MED12: variants seen among roughly 807,000 people sequenced by gnomAD.
MED12 encodes the protein mediator complex subunit 12.
Under a neutral mutation model 177.7 loss-of-function variants are expected in MED12, and 10 were observed. The ratio of observed to expected loss-of-function variants is 0.06; its 90% CI spans 0.03 to 0.10. The LOEUF (loss-of-function observed/expected upper bound fraction) is 0.10, where lower values mean the gene tolerates loss of function less well. Among genes scored for constraint, MED12 ranks in the 10% least tolerant of loss-of-function variants. The pLI, the probability that MED12 is intolerant of heterozygous loss-of-function variation, is 1.00. For synonymous variants in MED12, 641 were observed against 678.4 expected, an observed-to-expected ratio of 0.94 and a Z score of 0.86; for missense variants, 867 against 1,780.8, an observed-to-expected ratio of 0.49 and a Z score of 9.23.
At chrX:71,140,213 G>A (rs1328274524) in intron 41 of MED12, among the ~76,000 whole-genome samples, 1 of 105,476 alleles carries the variant, frequency 9.5e-6, no homozygotes, top group African/African-American at 3.5e-5. Flanking sequence ...CTGAGTAGCT[G>A]GGATTACAGG....
chrX:71,126,543 G>C, intron 19 of MED12, 59 bp downstream of exon 19: 1 of 1,180,628 alleles, frequency 8.5e-7, no homozygotes, highest in Non-Finnish European at 1.2e-6. Context: ...AGCGGCTACG[G>C]AGGGTCATAA....
chrX:71,132,434 C>T lies in MED12; in HGVS notation c.4311C>T (p.Thr1437=). 1 of 1,211,235 alleles carries T rather than the reference C, an allele frequency of 8.3e-7. No homozygotes were observed. Among genetic ancestry groups the T allele is most frequent in the Non-Finnish European group, 1.1e-6 (1 of 895,311 alleles). The change falls in exon 31 of 45, where the codon ACC becomes ACT. Residue 1437 remains threonine (T), a synonymous_variant. Coordinates refer to ENST00000374080, the MANE Select transcript of MED12 (RefSeq NM_005120.3). ...LVAPLIAKLP[T]SVQGHVLKAA... is the part of the protein sequence containing the mutation. ...CCCCCCTCATTGCTAAACTGCCCAC[C>T]TCAGTCCAGGGACATGTGTTAAAGG... is the stretch of plus-strand genomic sequence containing the variant.
rs765741173 is a variant in MED12 at position 71,127,392 on chromosome X, G to A, written c.2906G>A (p.Arg969His). The stretch of plus-strand genomic sequence containing the variant: ...CGGTCCGATGGCTCCTCTGCAGAGC[G>A]CTGTATCCTTGCTTATCTCTATGAT... The part of the protein sequence containing the change: ...MNRSDGSSAE[R>H]CILAYLYDLY... Residue 969 changes from arginine to histidine, a missense_variant, in exon 21 of 45, where the codon CGC becomes CAC. Arg to His is a conservative substitution (Grantham distance 29). This residue lies in a region of MED12 where 70 missense variants were observed against 143.6 expected (regional missense o/e 0.49). Transcript: ENST00000374080. 2.5e-6 allele frequency: 3 copies of A among 1,208,068 alleles called. No individual in the cohort carries two copies. Among genetic ancestry groups the A allele is most frequent in the Admixed American group, 2.2e-5 (1 of 46,046 alleles).
intron 24 of MED12, 32 bp downstream of exon 24, chrX:71,128,750 C>A (rs1382171372): frequency 1.7e-6 from 2 of 1,200,147 alleles, no homozygotes; most frequent in South Asian, 3.5e-5. Flanking sequence ...CCTAGCATTT[C>A]TAGACCTCAA....
chrX:71,140,603 T>C (rs1720866405), intron 41 of MED12, 32 bp from the exon 42 acceptor site: 1 of 1,211,270 alleles, frequency 8.3e-7, no homozygotes, highest in East Asian at 3.0e-5. Flanking sequence ...ACCTCCCTCA[T>C]GCCTTGACCT....
intron 20 of MED12, 65 bp downstream of exon 20, chrX:71,127,197 A>G (rs1405753330): frequency 6.1e-6 from 7 of 1,156,796 alleles, no homozygotes; most frequent in Non-Finnish European, 8.1e-6. Context: ...TGGCCTGGGA[A>G]GAGCATGCAC....
intron 28 of MED12, 99 bp downstream of exon 28, chrX:71,130,313 A>G (rs1356068643): frequency 2.2e-6 from 2 of 890,709 alleles, no homozygotes; most frequent in Middle Eastern, 4.1e-4. Flanking sequence ...TTAAGTAGAG[A>G]GGAAGACAAA....
Position 71,121,363 on chromosome X carries a change from G to A in MED12, c.772G>A (p.Val258Met). Residue 258 changes from valine to methionine, a missense_variant, in exon 6 of 45, where the codon GTG (valine) becomes ATG (methionine). By Grantham distance (21) the Val-to-Met change is conservative (BLOSUM62 1). Coordinates refer to ENST00000374080, the MANE Select transcript of MED12 (RefSeq NM_005120.3). ...MLDRHEFLTW[V>M]LECFEKIRPG... ...GGACAGACATGAGTTCCTGACCTGG[G>A]TGCTTGAGTGTTTTGAGAAGATCCG... 8.3e-7 allele frequency: 1 copy of A among 1,211,881 alleles called. No individual in the cohort carries two copies. Among genetic ancestry groups the A allele is most frequent in the Non-Finnish European group, 1.1e-6 (1 of 895,535 alleles).
In MED12 at chrX:71,137,936, A is replaced by G. The variant is rs777453338; in HGVS notation, c.6037A>G (p.Thr2013Ala). 1 of 1,209,678 alleles carries G rather than the reference A, an allele frequency of 8.3e-7. No individual in the cohort carries two copies. Among genetic ancestry groups the G allele is most frequent in the Non-Finnish European group, 1.1e-6 (1 of 893,736 alleles). ...APTYGHGLTS[T>A]QRFSHQTLQQ... Reference sequence around the variant, plus strand: ...CACCTATGGACATGGACTGACCTCCACTCAAAGGTACCCAAAGTAGTGGTG... The same window carrying G: ...CACCTATGGACATGGACTGACCTCCGCTCAAAGGTACCCAAAGTAGTGGTG... Residue 2013 changes from threonine (T) to alanine (A), a missense_variant, in exon 41 of 45, where the codon ACT (threonine) becomes GCT (alanine). Thr to Ala is a moderately conservative substitution (Grantham distance 58, BLOSUM62 0). Transcript: ENST00000374080.
Position 71,119,444 on chromosome X carries a change from C to T in MED12, c.171C>T (p.Gly57=), listed in dbSNP as rs1325215627. Residue 57 remains glycine (G), a synonymous_variant, in exon 2 of 45, where the codon GGC becomes GGT. Coordinates refer to ENST00000374080, the MANE Select transcript of MED12 (RefSeq NM_005120.3). ...NQPAVSGDEH[G]SAKNVSFNPA... ...CTGCTGTCTCTGGGGATGAGCATGG[C>T]AGTGCCAAGAACGTCAGCTTCAATC... 4 of 1,197,748 alleles carry T rather than the reference C, an allele frequency of 3.3e-6. No homozygotes were observed. The African/African-American group carries it at 7.0e-5, about 21-fold the overall frequency.
At position 71,119,535 on chromosome X, in the gene MED12, G is replaced by C. The variant is rs144436978; in HGVS notation, c.204+58G>C. On this transcript the variant is annotated intron_variant, in intron 2 of 44. Transcript: ENST00000374080. ...CTGGAAGAATCTAAGAAGGAGCAAA[G>C]GCCCTGGGTTGGGAAGACTTATAGG... 0.04 allele frequency: 44,067 copies of C among 1,111,734 alleles called. 755 individuals carry two copies. The highest frequency in any genetic ancestry group is 0.047 in the Non-Finnish European group (38,887 of 820,169). 91.6% of individuals were successfully genotyped at this position (1,111,734 alleles called of 1,213,427 possible).
intron 42 of MED12, 137 bp downstream of exon 42, chrX:71,140,994 T>C (rs916380848): frequency 1.3e-5 from 15 of 1,131,565 alleles, no homozygotes; most frequent in African/African-American, 1.8e-5. Context: ...CTAGTGGTGC[T>C]GGAGAAGTTT....
chrX:71,123,872 T>G (rs2092296095), intron 12 of MED12, 152 bp downstream of exon 12: 1 of 615,827 alleles, frequency 1.6e-6, no homozygotes. Context: ...TGATCCTCTT[T>G]AACTGGTCAT....
rs151316557 is a variant in MED12 at position 71,134,374 on chromosome X, C to G, written c.4635C>G (p.Asp1545Glu). ...LRLNLVGGMF[D>E]TVQRSTQQTT... ...CCTGGCAGGTGGGGGGCATGTTTGA[C>G]ACGGTGCAGCGCAGCACCCAGCAGA... is the stretch of plus-strand genomic sequence containing the variant. Residue 1545 changes from aspartate to glutamate, a missense_variant, in exon 34 of 45, where the codon GAC becomes GAG. By Grantham distance (45) the Asp-to-Glu change is conservative. This residue lies in a region of MED12 where 34 missense variants were observed against 58.9 expected (regional missense o/e 0.58). Transcript: ENST00000374080. 8 of 1,155,699 alleles carry G rather than the reference C, an allele frequency of 6.9e-6. No individual in the cohort carries two copies. Among genetic ancestry groups the G allele is most frequent in the Admixed American group, 2.6e-5 (1 of 38,861 alleles).
At chrX:71,131,119 T>C (rs2092315896) in intron 28 of MED12, among the ~76,000 whole-genome samples, 1 of 101,253 alleles carries the variant, frequency 9.9e-6, no homozygotes, top group South Asian at 4.4e-4. Flanking sequence ...ACTATTTAAA[T>C]GTAGTCTTTT....
In MED12 at chrX:71,137,007, C is replaced by A. The variant is rs1481256197; in HGVS notation, c.5529C>A (p.Thr1843=). ...NYRQGSIGLY[T]QNQPLPAGGP... is the part of the protein sequence containing the mutation. ...GGCAAGGCTCCATAGGCCTGTACACCCAGAACCAGCCACTACCTGCAGGTG... is the reference window on the plus strand; with the variant it reads ...GGCAAGGCTCCATAGGCCTGTACACACAGAACCAGCCACTACCTGCAGGTG... Residue 1843 remains threonine, a synonymous_variant, in exon 38 of 45, where the codon ACC becomes ACA. Transcript: ENST00000374080. 8 of 1,193,323 alleles carry A rather than the reference C, an allele frequency of 6.7e-6. No individual in the cohort carries two copies. Among genetic ancestry groups the A allele is most frequent in the Non-Finnish European group, 9.0e-6 (8 of 887,419 alleles).
chrX:71,129,822 T>C lies in MED12; in HGVS notation c.3834T>C (p.Tyr1278=). ...TGGAGACAGCCAGTCTGGATGTCTA[T>C]GCCAAGTACGTGCTGCGCAGCATCT... ...ISVETASLDV[Y]AKYVLRSICQ... is the part of the protein sequence containing the mutation. The change falls in exon 27 of 45, where the codon TAT becomes TAC. Residue 1278 remains tyrosine (Y), a synonymous_variant. Transcript: ENST00000374080. The C allele has an allele frequency of 4.1e-6, 5 of 1,211,925 alleles. No individual in the cohort carries two copies. Among genetic ancestry groups the C allele is most frequent in the Non-Finnish European group, 5.6e-6 (5 of 895,459 alleles).
chrX:71,131,973 A>G lies in MED12; in HGVS notation c.4120-100A>G, dbSNP rs2092318660. 7 of 773,605 alleles carry G rather than the reference A, an allele frequency of 9.0e-6. No individual in the cohort carries two copies. In the Admixed American group the frequency reaches 1.6e-4, roughly 17 times the overall value. 63.8% of individuals were successfully genotyped at this position (773,605 alleles called of 1,213,427 possible). On this transcript the variant is annotated intron_variant, in intron 29 of 44. Coordinates refer to ENST00000374080, the MANE Select transcript of MED12 (RefSeq NM_005120.3). ...TCCTATCTCCCCATCAATCTCCGCC[A>G]GTGTTGTCCTTCTCCGTCATCTCCG...
In MED12 at chrX:71,119,500, A is replaced by T. The variant is rs764862844; in HGVS notation, c.204+23A>T. 5.2e-6 allele frequency: 6 copies of T among 1,152,614 alleles called. No individual in the cohort carries two copies. In the Admixed American group the frequency reaches 1.4e-4, roughly 28 times the overall value. The allele number at this position is 1,152,614 out of a possible 1,213,427, so 95.0% of individuals were successfully genotyped here. A position where few individuals can be genotyped will look rare whatever the true frequency, so the allele number is the denominator to read the frequency against. On this transcript the variant is annotated intron_variant, in intron 2 of 44. Transcript: ENST00000374080. ...AAGGTGAGACAACTCTGCCAGGCTG[A>T]AGGAAAAGGCTGGAAGAATCTAAGA...
Sources: allele counts gnomAD v4.1 joint callset (sites outside exome capture counted in the v4.1 genomes callset), GRCh38; gene constraint gnomAD v4.1.1; regional missense constraint gnomAD v4.1.1; transcripts MANE v1.5; gene names NCBI Gene and HGNC (gene_info 2026-07-23, HGNC 2026-07-21).